SP8: variants seen among roughly 807,000 people sequenced by gnomAD.
The protein encoded by SP8 is transcription factor Sp8.
In SP8, 7 loss-of-function variants were observed where a neutral mutation model predicts 15.3. The observed-to-expected ratio is 0.46, with a 90% CI of 0.26 to 0.86. The LOEUF is 0.86. SP8 is among the 40% of genes least tolerant of loss of function. SP8 has a pLI of 0.16. For missense variants in SP8, 731 were observed against 736.4 expected (o/e 0.99, Z 0.09); for synonymous variants, 415 against 356.3 (o/e 1.16, Z -1.86).
In SP8 at chr7:20,786,834, T is replaced by C; in HGVS notation, c.-36A>G. ...TGCCCTCCTCCTCTCAGAGGATCTT[T>C]TTTATATTGATAAATCAGAGGCAGT... On this transcript the variant is annotated 5_prime_UTR_variant, in exon 1 of 2. Coordinates refer to ENST00000418710, the MANE Select transcript of SP8 (RefSeq NM_182700.6). The surrounding 1 kb of genome is among the most constrained non-coding windows in gnomAD (Gnocchi z 4.4). 1 of 1,553,788 alleles carries C rather than the reference T, an allele frequency of 6.4e-7. No homozygotes were observed. Among genetic ancestry groups the C allele is most frequent in the Non-Finnish European group, 8.9e-7 (1 of 1,124,782 alleles).
In SP8 at chr7:20,784,238, A is replaced by C; in HGVS notation, c.*52T>G. On this transcript the variant is annotated 3_prime_UTR_variant, in exon 2 of 2. Transcript: ENST00000418710. ...GTTGAAGTCCGGACAGACAGGGCCC[A>C]AGAGGACTTGGTGGGAGGAGGTCGG... The C allele has an allele frequency of 7.2e-7, 1 of 1,397,532 alleles. No individual in the cohort carries two copies. 86.6% of individuals were successfully genotyped at this position (1,397,532 alleles called of 1,614,324 possible).
In SP8 at chr7:20,782,716, T is replaced by C. The variant is rs1431884488; in HGVS notation, c.*1574A>G. ...TGTCTTAGTTACAGCTTGATACCTA[T>C]CTAAATTCATATTCGAGCAAAACTA... On this transcript the variant is annotated 3_prime_UTR_variant, in exon 2 of 2. Transcript: ENST00000418710. The C allele has an allele frequency of 1.3e-5, 2 of 152,612 alleles. No homozygotes were observed. Among genetic ancestry groups the C allele is most frequent in the African/African-American group, 4.8e-5 (2 of 41,444 alleles). The allele number at this position is 152,612 out of a possible 1,614,324, so 9.5% of individuals were successfully genotyped here.
In SP8 at chr7:20,782,963, C is replaced by T. The variant is rs572765172; in HGVS notation, c.*1327G>A. ...ACTGCACCTCACACCCTTACACTGG[C>T]GGAGTTATATTTAATTGGTAACTAA... is the stretch of plus-strand genomic sequence containing the variant. On this transcript the variant is annotated 3_prime_UTR_variant, in exon 2 of 2. Coordinates refer to ENST00000418710, the MANE Select transcript of SP8 (RefSeq NM_182700.6). 2 of 152,580 alleles carry T rather than the reference C, an allele frequency of 1.3e-5. No individual in the cohort carries two copies. The highest frequency in any genetic ancestry group is 6.5e-5 in the Admixed American group (1 of 15,296). The allele number at this position is 152,580 out of a possible 1,614,324, so 9.5% of individuals were successfully genotyped here.
chr7:20,783,290 TAA>T lies in SP8; in HGVS notation c.*998_*999del, dbSNP rs1334902335. 2.0e-5 allele frequency: 3 copies of T among 152,586 alleles called. No individual in the cohort carries two copies. Among genetic ancestry groups the T allele is most frequent in the African/African-American group, 7.2e-5 (3 of 41,448 alleles). 9.5% of individuals were successfully genotyped at this position (152,586 alleles called of 1,614,324 possible). On this transcript the variant is annotated 3_prime_UTR_variant, in exon 2 of 2. Transcript: ENST00000418710. ...AGAAAAGGACAAACATGGAGATAGTTAATCTGGTCTCACCGGAAAGGAGTATT... is the reference window on the plus strand; with the variant it reads ...AGAAAAGGACAAACATGGAGATAGTTTCTGGTCTCACCGGAAAGGAGTATT...
Position 20,784,830 on chromosome 7 carries a change from A to C in SP8, c.987T>G (p.Pro329=). 1.3e-6 allele frequency: 2 copies of C among 1,524,832 alleles called. No individual in the cohort carries two copies. The highest frequency in any genetic ancestry group is 1.8e-6 in the Non-Finnish European group (2 of 1,142,756). 94.5% of individuals were successfully genotyped at this position (1,524,832 alleles called of 1,614,324 possible). The change falls in exon 2 of 2, where the codon CCT becomes CCG. Residue 329 remains proline, a synonymous_variant. Transcript: ENST00000418710. Reference sequence around the variant, plus strand: ...GCGGGGAGCCCCCCAGCGGCGCCGAAGGCCCAGCGCTCAACATGGAGCCCC... The same window carrying C: ...GCGGGGAGCCCCCCAGCGGCGCCGACGGCCCAGCGCTCAACATGGAGCCCC... The part of the protein sequence containing the change: ...GAGGSMLSAG[P]SAPLGGSPRS...
At position 20,783,418 on chromosome 7, in the gene SP8, G is replaced by A. The variant is rs923233956; in HGVS notation, c.*872C>T. The A allele has an allele frequency of 1.6e-3, 1 of 614 alleles. No homozygotes were observed. The highest frequency in any genetic ancestry group is 0.015 in the Non-Finnish European group (1 of 66). 0.0% of individuals were successfully genotyped at this position (614 alleles called of 1,614,324 possible). ...TTGGGATCAATATTAGCAGTTTCGAGAGAAAGATTGCTCCCCGTTAGAGGA... is the reference window on the plus strand; with the variant it reads ...TTGGGATCAATATTAGCAGTTTCGAAAGAAAGATTGCTCCCCGTTAGAGGA... On this transcript the variant is annotated 3_prime_UTR_variant, in exon 2 of 2. Coordinates refer to ENST00000418710, the MANE Select transcript of SP8 (RefSeq NM_182700.6).
At position 20,786,095 on chromosome 7, in the gene SP8, A is replaced by C; in HGVS notation, c.22-300T>G. 1 of 1,129,460 alleles carries C rather than the reference A, an allele frequency of 8.9e-7. No individual in the cohort carries two copies. The highest frequency in any genetic ancestry group is 1.1e-6 in the Non-Finnish European group (1 of 886,458). The allele number at this position is 1,129,460 out of a possible 1,614,324, so 70.0% of individuals were successfully genotyped here. ...CACCTAAAACAACACTCTCTTGCACACAAAGCCCCAGACACTTCGTAACAA... is the reference window on the plus strand; with the variant it reads ...CACCTAAAACAACACTCTCTTGCACCCAAAGCCCCAGACACTTCGTAACAA... On this transcript the variant is annotated intron_variant, in intron 1 of 1. Coordinates refer to ENST00000418710, the MANE Select transcript of SP8 (RefSeq NM_182700.6). This position sits in a 1 kb window ranked among gnomAD's most constrained non-coding sequence, Gnocchi z 4.4.
At position 20,783,542 on chromosome 7, in the gene SP8, T is replaced by A. The variant is rs1441839245; in HGVS notation, c.*748A>T. ...TGCTATAAAGATGAAAGAAAGCTGC[T>A]GCAGCGATTCGACAAGACTGCCCTT... On this transcript the variant is annotated 3_prime_UTR_variant, in exon 2 of 2. Coordinates refer to ENST00000418710, the MANE Select transcript of SP8 (RefSeq NM_182700.6). 6.6e-6 allele frequency: 1 copy of A among 152,208 alleles called. No homozygotes were observed. Among genetic ancestry groups the A allele is most frequent in the Non-Finnish European group, 1.5e-5 (1 of 68,052 alleles). 9.4% of individuals were successfully genotyped at this position (152,208 alleles called of 1,614,324 possible).
At position 20,785,995 on chromosome 7, in the gene SP8, G is replaced by C. The variant is rs1783668714; in HGVS notation, c.22-200C>G. 7.0e-7 allele frequency: 1 copy of C among 1,420,556 alleles called. No individual in the cohort carries two copies. The highest frequency in any genetic ancestry group is 1.4e-5 in the African/African-American group (1 of 69,528). 88.0% of individuals were successfully genotyped at this position (1,420,556 alleles called of 1,614,324 possible). A position where few individuals can be genotyped will look rare whatever the true frequency, so the allele number is the denominator to read the frequency against. On this transcript the variant is annotated intron_variant, in intron 1 of 1. Transcript: ENST00000418710. The surrounding 1 kb of genome is among the most constrained non-coding windows in gnomAD (Gnocchi z 7.2). Reference sequence around the variant, plus strand: ...CGCCCGGCCGCTTCCTACTCTACAGGAGGGGACAAGTTTGGCTGCCGGCGT... The same window carrying C: ...CGCCCGGCCGCTTCCTACTCTACAGCAGGGGACAAGTTTGGCTGCCGGCGT...
Position 20,783,501 on chromosome 7 carries a change from T to C in SP8, c.*789A>G, listed in dbSNP as rs949770660. On this transcript the variant is annotated 3_prime_UTR_variant, in exon 2 of 2. Transcript: ENST00000418710. ...GGTTGCTATTTTCCCCCTAGTTTTT[T>C]TAAAAATAAAATATATGCTATAAAG... The C allele has an allele frequency of 1.3e-5, 2 of 152,396 alleles. No homozygotes were observed. The highest frequency in any genetic ancestry group is 2.9e-5 in the Non-Finnish European group (2 of 68,028). 9.4% of individuals were successfully genotyped at this position (152,396 alleles called of 1,614,324 possible). A position where few individuals can be genotyped will look rare whatever the true frequency, so the allele number is the denominator to read the frequency against.
rs80048984 is a variant in SP8, at chr7:20,782,981, G to T, written c.*1309C>A. On this transcript the variant is annotated 3_prime_UTR_variant, in exon 2 of 2. Coordinates refer to ENST00000418710, the MANE Select transcript of SP8 (RefSeq NM_182700.6). ...ACACTGGCGGAGTTATATTTAATTG[G>T]TAACTAATCTAGAACGATTCTCCAG... is the stretch of plus-strand genomic sequence containing the variant. 284 of 152,556 alleles carry T rather than the reference G, an allele frequency of 1.9e-3. 1 individual carries two copies. Among genetic ancestry groups the T allele is most frequent in the African/African-American group, 6.5e-3 (271 of 41,548 alleles). 9.5% of individuals were successfully genotyped at this position (152,556 alleles called of 1,614,324 possible).
chr7:20,785,338 C>G lies in SP8; in HGVS notation c.479G>C (p.Gly160Ala). 1 of 1,249,676 alleles carries G rather than the reference C, an allele frequency of 8.0e-7. No homozygotes were observed. 77.4% of individuals were successfully genotyped at this position (1,249,676 alleles called of 1,614,324 possible). ...GVSGGSGGGGGGGGGGSSAHS... is the reference protein window; with the variant it reads ...GVSGGSGGGGAGGGGGSSAHS... ...CGCGGAGGAGCCGCCGCCGCCGCCC[C>G]CGCCGCCGCCGCCGCTGCCCCCGGA... is the stretch of plus-strand genomic sequence containing the variant. Residue 160 changes from glycine to alanine, a missense_variant, in exon 2 of 2, where the codon GGG becomes GCG. This residue lies in a region of SP8 where 586 missense variants were observed against 524.9 expected (regional missense o/e 1.12). Transcript: ENST00000418710. The surrounding 1 kb of genome is among the most constrained non-coding windows in gnomAD (Gnocchi z 7.2).
In SP8 at chr7:20,785,212, G is replaced by C; in HGVS notation, c.605C>G (p.Pro202Arg). 6.2e-7 allele frequency: 1 copy of C among 1,600,614 alleles called. No homozygotes were observed. Among genetic ancestry groups the C allele is most frequent in the Non-Finnish European group, 8.5e-7 (1 of 1,175,156 alleles). Residue 202 changes from proline to arginine, a missense_variant, in exon 2 of 2, where the codon CCG (proline) becomes CGG (arginine). By Grantham distance (103) the Pro-to-Arg change is moderately radical. Around this residue, in one of 3 missense-constraint regions of SP8, gnomAD observed 586 missense variants for 524.9 expected, o/e 1.12. Transcript: ENST00000418710. This position sits in a 1 kb window ranked among gnomAD's most constrained non-coding sequence, Gnocchi z 7.2. ...CGAGGGCTTAAACCACGACTCGTAC[G>C]GGTGCGCCATGCCCACCCGCGGGTA... ...GIYPRVGMAH[P>R]YESWFKPSHP...
At position 20,786,653 on chromosome 7, in the gene SP8, A is replaced by G. The variant is rs930880668; in HGVS notation, c.21+125T>C. The stretch of plus-strand genomic sequence containing the variant: ...CTCCAAACTCACTTGTATTTAAAGA[A>G]AAAAAAAAAAAGCTCTCAATAGAGA... On this transcript the variant is annotated intron_variant, in intron 1 of 1. Transcript: ENST00000418710. The surrounding 1 kb of genome is among the most constrained non-coding windows in gnomAD (Gnocchi z 4.4). 3.2e-5 allele frequency: 21 copies of G among 659,492 alleles called. No homozygotes were observed. The highest frequency in any genetic ancestry group is 2.5e-4 in the South Asian group (13 of 51,510). 40.9% of individuals were successfully genotyped at this position (659,492 alleles called of 1,614,324 possible).
Position 20,784,737 on chromosome 7 carries a change from C to A in SP8, c.1080G>T (p.Arg360=). 6.3e-7 allele frequency: 1 copy of A among 1,591,062 alleles called. No homozygotes were observed. ...GCAAGCTCGCCCCGGCAGGGCCCAG[C>A]CGCTCTGCCTCCTGGCAGTTGGGGC... ...CDCPNCQEAE[R]LGPAGASLRR... Residue 360 remains arginine, a synonymous_variant, in exon 2 of 2, where the codon CGG becomes CGT. Coordinates refer to ENST00000418710, the MANE Select transcript of SP8 (RefSeq NM_182700.6).
chr7:20,785,958 C>CA lies in SP8; in HGVS notation c.22-164dup. Reference sequence around the variant, plus strand: ...CCGCCACCAACTCACCTGGCACCCCCAACAGCCCCGGCGCCCGGCCGCTTC... The same window carrying CA: ...CCGCCACCAACTCACCTGGCACCCCCAAACAGCCCCGGCGCCCGGCCGCTTC... On this transcript the variant is annotated intron_variant, in intron 1 of 1. Transcript: ENST00000418710. The surrounding 1 kb of genome is among the most constrained non-coding windows in gnomAD (Gnocchi z 7.2). 1.4e-6 allele frequency: 2 copies of CA among 1,453,754 alleles called. No individual in the cohort carries two copies. The highest frequency in any genetic ancestry group is 1.8e-6 in the Non-Finnish European group (2 of 1,103,534). The allele number at this position is 1,453,754 out of a possible 1,614,324, so 90.1% of individuals were successfully genotyped here. A position where few individuals can be genotyped will look rare whatever the true frequency, so the allele number is the denominator to read the frequency against.
Position 20,785,721 on chromosome 7 carries a change from C to A in SP8, c.96G>T (p.Pro32=). 6.2e-7 allele frequency: 1 copy of A among 1,612,346 alleles called. No homozygotes were observed. Among genetic ancestry groups the A allele is most frequent in the Non-Finnish European group, 8.5e-7 (1 of 1,179,216 alleles). The change falls in exon 2 of 2, where the codon CCG becomes CCT. Residue 32 remains proline (P), a synonymous_variant. Coordinates refer to ENST00000418710, the MANE Select transcript of SP8 (RefSeq NM_182700.6). This position sits in a 1 kb window ranked among gnomAD's most constrained non-coding sequence, Gnocchi z 7.2. ...AGCTGTCCGAGAGGGAGGAGGGAGA[C>A]GGGCTGGGGCTGCCTATCTTATTAC... The part of the protein sequence containing the change: ...ATCNKIGSPS[P]SPSSLSDSSS...
Position 20,783,880 on chromosome 7 carries a change from A to C in SP8, c.*410T>G. On this transcript the variant is annotated 3_prime_UTR_variant, in exon 2 of 2. Coordinates refer to ENST00000418710, the MANE Select transcript of SP8 (RefSeq NM_182700.6). ...CAGCCGAGCCGCTCCTGCCCGCGCG[A>C]GGCCCGCTGTCTACCAGGCACTGGA... 6.0e-6 allele frequency: 1 copy of C among 167,458 alleles called. No homozygotes were observed. The highest frequency in any genetic ancestry group is 1.2e-5 in the Non-Finnish European group (1 of 80,330). The allele number at this position is 167,458 out of a possible 1,614,324, so 10.4% of individuals were successfully genotyped here.
rs1280949481 is a variant in SP8 at position 20,785,374 on chromosome 7, G to A, written c.443C>T (p.Ala148Val). ...PFANDYSVFQ[A>V]PGVSGGSGGG... Reference sequence around the variant, plus strand: ...GCCGCTGCCCCCGGAAACTCCGGGGGCCTGGAAAACAGAGTAGTCGTTGGC... The same window carrying A: ...GCCGCTGCCCCCGGAAACTCCGGGGACCTGGAAAACAGAGTAGTCGTTGGC... Residue 148 changes from alanine to valine, a missense_variant, in exon 2 of 2, where the codon GCC (alanine) becomes GTC (valine). Coordinates refer to ENST00000418710, the MANE Select transcript of SP8 (RefSeq NM_182700.6). The surrounding 1 kb of genome is among the most constrained non-coding windows in gnomAD (Gnocchi z 7.2). 5 of 1,466,860 alleles carry A rather than the reference G, an allele frequency of 3.4e-6. No homozygotes were observed. In the South Asian group the frequency reaches 3.9e-5, roughly 12 times the overall value. 90.9% of individuals were successfully genotyped at this position (1,466,860 alleles called of 1,614,324 possible).
Sources: gnomAD v4.1 joint callset for allele counts on GRCh38, gnomAD v4.1.1 for gene constraint, gnomAD v4.1.1 regional missense constraint, Gnocchi (gnomAD v3.1) non-coding constraint, MANE v1.5 for transcripts, NCBI Gene and HGNC (gene_info 2026-07-23, HGNC 2026-07-21) for gene names.